Variants in RAPGEF5 observed in about 807,000 individuals in gnomAD.
RAPGEF5 encodes the protein M-Ras-regulated GEF.
RAPGEF5 carries 65 observed loss-of-function variants against 125.2 expected under a neutral mutation model. The ratio of observed to expected loss-of-function variants is 0.52; its 90% CI spans 0.43 to 0.64. The LOEUF (loss-of-function observed/expected upper bound fraction) is 0.64. Ranked by LOEUF, RAPGEF5 falls within the 30% of genes least tolerant of loss-of-function variation. The pLI is 0.00. For missense variants in RAPGEF5, 958 were observed against 1,048.1 expected, an observed-to-expected ratio of 0.91 and a Z score of 1.19; for synonymous variants, 391 against 385.9, an observed-to-expected ratio of 1.01 and a Z score of -0.16.
intron 6 of RAPGEF5, among the ~76,000 whole-genome samples, chr7:22,282,111 C>T (rs1036739227): frequency 6.6e-5 from 10 of 152,126 alleles, no homozygotes; most frequent in African/African-American, 1.9e-4. Flanking sequence ...AAGCCATTCC[C>T]CCCTCTCCAG....
intron 5 of RAPGEF5, among the ~76,000 whole-genome samples, chr7:22,304,951 G>A (rs1437461742): frequency 6.6e-6 from 1 of 152,148 alleles, no homozygotes; most frequent in Non-Finnish European, 1.5e-5. Context: ...GCAGTGATGG[G>A]AAATCCATAA....
chr7:22,268,847 AAAAGG>A (rs1254666607), intron 6 of RAPGEF5, among the ~76,000 whole-genome samples: 9 of 152,204 alleles, frequency 5.9e-5, no homozygotes. Context: ...AACAGCTCAG[AAAAGG>A]AAAGGATTAT....
intron 11 of RAPGEF5, among the ~76,000 whole-genome samples, chr7:22,190,372 G>A (rs1300998759): frequency 1.3e-5 from 2 of 152,142 alleles, no homozygotes; most frequent in South Asian, 2.1e-4. Context: ...GGAAAGATAC[G>A]TACTTGAGGG....
intron 9 of RAPGEF5, among the ~76,000 whole-genome samples, chr7:22,205,195 C>T (rs1416318425): frequency 1.3e-5 from 2 of 152,184 alleles, no homozygotes; most frequent in South Asian, 2.1e-4. Context: ...AAAGTCTGAA[C>T]GTCTGCATCC....
At chr7:22,321,389 T>G (rs1361082682) in intron 1 of RAPGEF5, among the ~76,000 whole-genome samples, 1 of 152,196 alleles carries the variant, frequency 6.6e-6, no homozygotes. Context: ...CATTCCAGAG[T>G]TGCTAAAAAT....
chr7:22,345,237 T>A (rs1011958082), intron 1 of RAPGEF5, among the ~76,000 whole-genome samples: 1 of 152,192 alleles, frequency 6.6e-6, no homozygotes, highest in African/African-American at 2.4e-5. Context: ...ACTCTTAACT[T>A]CCTCATGATG....
At chr7:22,339,941 A>G (rs1036427731) in intron 1 of RAPGEF5, among the ~76,000 whole-genome samples, 1 of 152,230 alleles carries the variant, frequency 6.6e-6, no homozygotes, top group Non-Finnish European at 1.5e-5. Context: ...GTGGATGGTT[A>G]CTCAAGCCTT....
chr7:22,312,016 AT>A (rs1783481873), intron 3 of RAPGEF5, among the ~76,000 whole-genome samples: 1 of 152,224 alleles, frequency 6.6e-6, no homozygotes, highest in African/African-American at 2.4e-5. Flanking sequence ...ACAATAAAGC[AT>A]TTACTAAACA....
chr7:22,278,602 T>C (rs1445476822), intron 6 of RAPGEF5, among the ~76,000 whole-genome samples: 1 of 151,940 alleles, frequency 6.6e-6, no homozygotes, highest in East Asian at 1.9e-4. Context: ...CTATGAGCTA[T>C]AAAAATTTAT....
intron 11 of RAPGEF5, among the ~76,000 whole-genome samples, chr7:22,175,885 A>G (rs1363561202): frequency 6.6e-6 from 1 of 152,230 alleles, no homozygotes; most frequent in African/African-American, 2.4e-5. Flanking sequence ...AACTTTTTTC[A>G]AAACCTGAAA....
chr7:22,151,105 T>A (rs1017248777), intron 17 of RAPGEF5, among the ~76,000 whole-genome samples: 1 of 152,212 alleles, frequency 6.6e-6, no homozygotes, highest in African/African-American at 2.4e-5. Context: ...GTTGAACATT[T>A]AATGGTTAAT....
intron 2 of RAPGEF5, among the ~76,000 whole-genome samples, chr7:22,315,772 G>T (rs1288759652): frequency 6.6e-6 from 1 of 151,604 alleles, no homozygotes; most frequent in East Asian, 1.9e-4. Context: ...TTTACACAAA[G>T]TTTTCAGTGT....
At chr7:22,205,594 A>G (rs1009602391) in intron 9 of RAPGEF5, among the ~76,000 whole-genome samples, 2 of 152,236 alleles carry the variant, frequency 1.3e-5, no homozygotes, top group Non-Finnish European at 2.9e-5. Context: ...AAAAATCTGC[A>G]TGTTTTAAAA....
intron 11 of RAPGEF5, among the ~76,000 whole-genome samples, chr7:22,188,565 G>A (rs990230985): frequency 2.6e-5 from 4 of 152,130 alleles, no homozygotes; most frequent in Middle Eastern, 3.4e-3. Flanking sequence ...AAGAGATTGA[G>A]ACCATCCTGG....
chr7:22,131,158 G>A, intron 23 of RAPGEF5, 57 bp from the exon 24 acceptor site: 1 of 1,480,718 alleles, frequency 6.8e-7, no homozygotes, highest in Non-Finnish European at 9.0e-7. Context: ...ATGAGTCAGG[G>A]CTGAAGAGGT....
Position 22,219,984 on chromosome 7 carries a change from A to ACC in RAPGEF5, c.876_877dup (p.Val293GlyfsTer2), listed in dbSNP as rs1785743877. 1 of 1,613,146 alleles carries ACC rather than the reference A, an allele frequency of 6.2e-7. No individual in the cohort carries two copies. The highest frequency in any genetic ancestry group is 8.5e-7 in the Non-Finnish European group (1 of 1,179,578). ...ATCTCTTTCCTGGAGCTTGCACATC[A>ACC]CCCCTGCCTTAAGAGTTGGAGAAAA... On this transcript the variant is annotated frameshift_variant, in exon 9 of 26. Coordinates refer to ENST00000665637, the MANE Select transcript of RAPGEF5 (RefSeq NM_012294.5). LOFTEE classifies it high-confidence loss of function.
intron 11 of RAPGEF5, chr7:22,192,264 C>G (rs1375222676): frequency 1.3e-5 from 2 of 152,404 alleles, no homozygotes; most frequent in Non-Finnish European, 2.9e-5. Context: ...AGGTATCTAT[C>G]TGAATTTTAA....
intron 20 of RAPGEF5, among the ~76,000 whole-genome samples, chr7:22,140,640 T>TGTAATA (rs1783228772): frequency 6.6e-6 from 1 of 152,230 alleles, no homozygotes; most frequent in Non-Finnish European, 1.5e-5. Flanking sequence ...ATGGGAATAC[T>TGTAATA]CTTCCACATT....
At chr7:22,190,589 C>T (rs1449858696) in intron 11 of RAPGEF5, among the ~76,000 whole-genome samples, 1 of 152,190 alleles carries the variant, frequency 6.6e-6, no homozygotes, top group South Asian at 2.1e-4. Flanking sequence ...CCCTGGCATT[C>T]TCCTCCCGGC....
Sources: allele counts gnomAD v4.1 joint callset (sites outside exome capture counted in the v4.1 genomes callset), GRCh38; gene constraint gnomAD v4.1.1; transcripts MANE v1.5; gene names NCBI Gene and HGNC (gene_info 2026-07-23, HGNC 2026-07-21).